The following USP47 variants were observed in gnomAD, a reference collection of about 807,000 sequenced individuals.
USP47 encodes the protein ubiquitin specific peptidase 47.
Under a neutral mutation model 165.1 loss-of-function variants are expected in USP47, and 35 were observed. The observed-to-expected ratio is 0.21, with a 90% CI of 0.16 to 0.28. The LOEUF (loss-of-function observed/expected upper bound fraction) is 0.28. Ranked by LOEUF, USP47 falls within the 10% of genes least tolerant of loss-of-function variation. The pLI, the probability that USP47 is intolerant of heterozygous loss-of-function variation, is 1.00. For synonymous variants in USP47, 531 were observed against 544.5 expected (o/e 0.98, Z 0.35); for missense variants, 1,277 against 1,607.4 (o/e 0.79, Z 3.52).
At chr11:11,896,839 T>C (rs570565574) in intron 4 of USP47, among the ~76,000 whole-genome samples, 3 of 152,156 alleles carry the variant, frequency 2.0e-5, no homozygotes, top group Non-Finnish European at 4.4e-5. Flanking sequence ...AAACCACCCA[T>C]GCATACACGG....
chr11:11,929,691 C>G, intron 12 of USP47, 126 bp downstream of exon 12: 1 of 1,356,418 alleles, frequency 7.4e-7, no homozygotes, highest in Non-Finnish European at 9.9e-7. Flanking sequence ...CATATCAAAT[C>G]TGTCTTTAAT....
chr11:11,861,376 G>A (rs1448836281), intron 1 of USP47, among the ~76,000 whole-genome samples: 8 of 152,142 alleles, frequency 5.3e-5, no homozygotes, highest in African/African-American at 7.2e-5. Flanking sequence ...GATTACAGGC[G>A]TGAGCTACCA....
At chr11:11,856,307 A>G (rs1849035282) in intron 1 of USP47, among the ~76,000 whole-genome samples, 1 of 152,184 alleles carries the variant, frequency 6.6e-6, no homozygotes, top group Non-Finnish European at 1.5e-5. Context: ...TACTTGCTGG[A>G]ATGTTTTTTG....
rs1438013567 is a variant in USP47 at position 11,942,581 on chromosome 11, G to A, written c.2560G>A (p.Glu854Lys). 1 of 1,613,516 alleles carries A rather than the reference G, an allele frequency of 6.2e-7. No individual in the cohort carries two copies. Among genetic ancestry groups the A allele is most frequent in the Non-Finnish European group, 8.5e-7 (1 of 1,179,734 alleles). Residue 854 changes from glutamate to lysine, a missense_variant, in exon 20 of 28, where the codon GAA becomes AAA. Physicochemically the swap from Glu to Lys is moderately conservative, Grantham distance 56. Transcript: ENST00000527733. Reference sequence around the variant, plus strand: ...CCTAAAGTCTGTGGAAGCTATTCTAGAAGAAAGCACTGAAAAACTCAAAAG... The same window carrying A: ...CCTAAAGTCTGTGGAAGCTATTCTAAAAGAAAGCACTGAAAAACTCAAAAG... Reference protein sequence around the residue: ...GSLKSVEAILEESTEKLKSLS... With the variant: ...GSLKSVEAILKESTEKLKSLS...
Position 11,872,620 on chromosome 11 carries a change from GCTTATAGATTAGTTACCACTGCA to G in USP47, c.40-7555_40-7533del, listed in dbSNP as rs1850139527. ...GATGGATGCCTGATAGTTTAGATTT[GCTTATAGATTAGTTACCACTGCA>G]CAGCATCACCTCCTTGAGAGCAGGG... is the stretch of plus-strand genomic sequence containing the variant. On this transcript the variant is annotated intron_variant, in intron 1 of 27. Transcript: ENST00000527733. Among the ~76,000 whole-genome samples the G allele has an allele frequency of 2.0e-5, 3 of 152,302 alleles. No homozygotes were observed. The South Asian group carries it at 6.2e-4, about 32-fold the overall frequency.
rs1219584431 is a variant in USP47, at chr11:11,942,596, A to G, written c.2575A>G (p.Lys859Glu). ...VEAILEESTE[K>E]LKSLSLQQQQ... ...AGCTATTCTAGAAGAAAGCACTGAA[A>G]AACTCAAAAGCTTGTCACTGCAGCA... Residue 859 changes from lysine (K) to glutamate (E), a missense_variant, in exon 20 of 28, where the codon AAA becomes GAA. Lys to Glu is a moderately conservative substitution (Grantham distance 56, BLOSUM62 1). Around this residue, in one of 4 missense-constraint regions of USP47, gnomAD observed 909 missense variants for 1,068.1 expected, o/e 0.85. Transcript: ENST00000527733. The G allele has an allele frequency of 6.2e-7, 1 of 1,613,458 alleles. No homozygotes were observed. The highest frequency in any genetic ancestry group is 8.5e-7 in the Non-Finnish European group (1 of 1,179,760).
Position 11,942,335 on chromosome 11 carries a change from G to A in USP47, c.2314G>A (p.Val772Met). 6.3e-7 allele frequency: 1 copy of A among 1,584,706 alleles called. No homozygotes were observed. Among genetic ancestry groups the A allele is most frequent in the Non-Finnish European group, 8.6e-7 (1 of 1,169,032 alleles). Residue 772 changes from valine (V) to methionine (M), a missense_variant and splice_region_variant, in exon 20 of 28, where the codon GTG (valine) becomes ATG (methionine). This residue lies in a region of USP47 where 909 missense variants were observed against 1,068.1 expected (regional missense o/e 0.85). Transcript: ENST00000527733. ...KAEGFFRSNK[V>M]FVESSETLDY... ...AATAAAACTCTGACTTACTATGTAG[G>A]TGTTTGTTGAAAGCTCCGAGACTTT...
At chr11:11,855,846 T>A (rs1279788217) in intron 1 of USP47, among the ~76,000 whole-genome samples, 3 of 152,262 alleles carry the variant, frequency 2.0e-5, no homozygotes, top group Non-Finnish European at 4.4e-5. Flanking sequence ...ACAGAGAGAT[T>A]CAAAGATGAA....
At chr11:11,885,247 G>A (rs1300551122) in intron 3 of USP47, among the ~76,000 whole-genome samples, 2 of 152,074 alleles carry the variant, frequency 1.3e-5, no homozygotes, top group Non-Finnish European at 2.9e-5. Flanking sequence ...GGGCCAAGAT[G>A]GCCGATTAGA....
rs771225503 is a variant in USP47 at position 11,955,071 on chromosome 11, A to C, written c.3800A>C (p.Asp1267Ala). 6.8e-6 allele frequency: 11 copies of C among 1,613,634 alleles called. No individual in the cohort carries two copies. Among genetic ancestry groups the C allele is most frequent in the Non-Finnish European group, 9.3e-6 (11 of 1,179,868 alleles). Residue 1267 changes from aspartate (D) to alanine (A), a missense_variant, in exon 27 of 28, where the codon GAT becomes GCT. Asp to Ala is a moderately radical substitution (Grantham distance 126). This residue lies in a region of USP47 where 909 missense variants were observed against 1,068.1 expected (regional missense o/e 0.85). Transcript: ENST00000527733. ...GTFPCDISVLDIHQDLDWNPK... is the reference protein window; with the variant it reads ...GTFPCDISVLAIHQDLDWNPK... ...TTTCCCTGTGATATTTCTGTCCTTGATATTCATCAGGATTTAGACTGGAAT... is the reference window on the plus strand; with the variant it reads ...TTTCCCTGTGATATTTCTGTCCTTGCTATTCATCAGGATTTAGACTGGAAT...
rs561680910 is a variant in USP47 at position 11,934,658 on chromosome 11, C to T, written c.1869+723C>T. On this transcript the variant is annotated intron_variant, in intron 16 of 27. Transcript: ENST00000527733. ...ATATGTTTAGATTGTTTTGAGTGAG[C>T]ACAGAGTACCATAAAATGAAATTAG... Among the ~76,000 whole-genome samples the T allele has an allele frequency of 2.6e-5, 4 of 152,090 alleles. 1 individual carries two copies. The South Asian group carries it at 8.3e-4, about 32-fold the overall frequency.
intron 4 of USP47, among the ~76,000 whole-genome samples, chr11:11,892,385 T>C (rs1186687540): frequency 2.1e-5 from 3 of 145,666 alleles, no homozygotes; most frequent in Non-Finnish European, 3.0e-5. Flanking sequence ...ATTTTCTTTT[T>C]TTTTTTTTTT....
Position 11,955,142 on chromosome 11 carries a change from G to A in USP47, c.3871G>A (p.Asp1291Asn). The change falls in exon 27 of 28, where the codon GAT (aspartate) becomes AAT (asparagine). Residue 1291 changes from aspartate to asparagine, a missense_variant. Around this residue, in one of 4 missense-constraint regions of USP47, gnomAD observed 909 missense variants for 1,068.1 expected, o/e 0.85. Coordinates refer to ENST00000527733, the MANE Select transcript of USP47 (RefSeq NM_001282659.2). ...TGTCTGGCCTCTTTATATCTGTGATGATGGTGCGGTCATATTTTATAGGTA... is the reference window on the plus strand; with the variant it reads ...TGTCTGGCCTCTTTATATCTGTGATAATGGTGCGGTCATATTTTATAGGTA... ...LNVWPLYICDDGAVIFYRDKT... is the reference protein window; with the variant it reads ...LNVWPLYICDNGAVIFYRDKT... 1 of 1,613,484 alleles carries A rather than the reference G, an allele frequency of 6.2e-7. No homozygotes were observed. The highest frequency in any genetic ancestry group is 8.5e-7 in the Non-Finnish European group (1 of 1,179,792).
rs539855427 is a variant in USP47, at chr11:11,854,134, C to CAA, written c.39+11928_39+11929dup. Among the ~76,000 whole-genome samples, 75 of 59,174 alleles carry CAA rather than the reference C, an allele frequency of 1.3e-3. 2 individuals carry two copies. Among genetic ancestry groups the CAA allele is most frequent in the East Asian group, 4.2e-3 (8 of 1,916 alleles). 38.8% of individuals were successfully genotyped at this position (59,174 alleles called of 152,430 possible). A position where few individuals can be genotyped will look rare whatever the true frequency, so the allele number is the denominator to read the frequency against. ...AGGGGGACAGGGCGAGACTCCGTCT[C>CAA]AAAAAAAAAAAAAAAAAAATCCTAT... is the stretch of plus-strand genomic sequence containing the variant. On this transcript the variant is annotated intron_variant, in intron 1 of 27. Coordinates refer to ENST00000527733, the MANE Select transcript of USP47 (RefSeq NM_001282659.2).
At chr11:11,911,804 A>G (rs1853013581) in intron 8 of USP47, among the ~76,000 whole-genome samples, 1 of 152,084 alleles carries the variant, frequency 6.6e-6, no homozygotes, top group African/African-American at 2.4e-5. Flanking sequence ...CAGAATACAC[A>G]TCCTTTTCAA....
At chr11:11,940,585 T>C in intron 19 of USP47, 37 bp downstream of exon 19, 1 of 1,598,586 alleles carries the variant, frequency 6.3e-7, no homozygotes, top group Non-Finnish European at 8.6e-7. Flanking sequence ...TTTTCTATGC[T>C]GGTAGTAGTA....
intron 11 of USP47, among the ~76,000 whole-genome samples, chr11:11,925,382 C>T (rs962687027): frequency 3.3e-5 from 5 of 152,098 alleles, no homozygotes; most frequent in East Asian, 1.9e-4. Context: ...GGATTACAGG[C>T]GTGAGCCACC....
intron 6 of USP47, 137 bp downstream of exon 6, chr11:11,902,997 C>A: frequency 2.1e-6 from 2 of 970,398 alleles, no homozygotes; most frequent in Non-Finnish European, 1.5e-6. Context: ...TATTTTCTAA[C>A]ACATTTCATA....
Position 11,930,028 on chromosome 11 carries a change from T to C in USP47, c.1519-16T>C, listed in dbSNP as rs759531936. 15 of 1,610,222 alleles carry C rather than the reference T, an allele frequency of 9.3e-6. No homozygotes were observed. The highest frequency in any genetic ancestry group is 1.3e-5 in the Non-Finnish European group (15 of 1,177,138). On this transcript the variant is annotated splice_polypyrimidine_tract_variant and intron_variant, in intron 12 of 27. Coordinates refer to ENST00000527733, the MANE Select transcript of USP47 (RefSeq NM_001282659.2). The stretch of plus-strand genomic sequence containing the variant: ...GTTATAGAATTTGCAAAAAAAATCA[T>C]GTAACACATTTTCAGATAACACAAG...
Sources: allele counts gnomAD v4.1 joint callset (sites outside exome capture counted in the v4.1 genomes callset), GRCh38; gene constraint gnomAD v4.1.1; regional missense constraint gnomAD v4.1.1; transcripts MANE v1.5; gene names NCBI Gene and HGNC (gene_info 2026-07-23, HGNC 2026-07-21).